The following FSTL5 variants were observed in gnomAD, a reference collection of about 807,000 sequenced individuals.
FSTL5 encodes follistatin like 5.
A neutral mutation model predicts 89.1 loss-of-function variants in FSTL5; 62 were observed. The ratio of observed to expected loss-of-function variants is 0.70; its 90% CI spans 0.57 to 0.86. The LOEUF is 0.86. Among genes scored for constraint, FSTL5 ranks in the 40% least tolerant of loss-of-function variants. The pLI is 0.00. For missense variants in FSTL5, 1,057 were observed against 1,001.6 expected (o/e 1.06, Z -0.75); for synonymous variants, 383 against 346.2 (o/e 1.11, Z -1.18).
chr4:161,469,453 C>T (rs564396717), intron 13 of FSTL5, among the ~76,000 whole-genome samples: 63 of 152,188 alleles, frequency 4.1e-4, no homozygotes, highest in African/African-American at 1.5e-3. Context: ...TCTCCAACCC[C>T]GTGCCAAAAC....
At chr4:161,977,639 A>AAAAAAAAAAAAT (rs1553988132) in intron 3 of FSTL5, among the ~76,000 whole-genome samples, 29 of 101,198 alleles carry the variant, frequency 2.9e-4, no homozygotes, top group Non-Finnish European at 4.4e-4. Context: ...AAAAAAAAAA[A>AAAAAAAAAAAAT]AATAATAATA....
At chr4:161,518,071 G>A (rs756375870) in intron 10 of FSTL5, among the ~76,000 whole-genome samples, 11 of 152,180 alleles carry the variant, frequency 7.2e-5, no homozygotes, top group East Asian at 5.8e-4. Context: ...GTACATTGCC[G>A]GTCATATGCC....
At chr4:162,135,336 G>A (rs75233554) in intron 1 of FSTL5, among the ~76,000 whole-genome samples, 35,252 of 151,604 alleles carry the variant, frequency 0.23, 4,292 homozygotes, top group Non-Finnish European at 0.26. Flanking sequence ...TAAATTATAT[G>A]TTTTTTAATA....
intron 6 of FSTL5, among the ~76,000 whole-genome samples, chr4:161,705,958 A>AGATGTGTG (rs1738557282): frequency 3.8e-5 from 2 of 52,886 alleles, no homozygotes; most frequent in African/African-American, 2.1e-4. Flanking sequence ...GTGTGTATAT[A>AGATGTGTG]TATATATATA....
At chr4:161,921,897 G>A (rs1221980134) in intron 3 of FSTL5, among the ~76,000 whole-genome samples, 3 of 152,010 alleles carry the variant, frequency 2.0e-5, no homozygotes, top group Non-Finnish European at 4.4e-5. Flanking sequence ...AACTCCTTGT[G>A]TTACTTACTA....
intron 13 of FSTL5, among the ~76,000 whole-genome samples, chr4:161,474,370 CAAT>C (rs1734050647): frequency 6.6e-6 from 1 of 152,006 alleles, no homozygotes; most frequent in South Asian, 2.1e-4. Context: ...ATCAAAGTTA[CAAT>C]AATAATAACT....
rs75713785 is a variant in FSTL5, at chr4:161,506,640, C to T, written c.1339+3758G>A. The stretch of plus-strand genomic sequence containing the variant: ...GAAGCTGTATTTTCGTCTGTATTTC[C>T]GAACCTCCCTGGCAGTGTACATTTT... On this transcript the variant is annotated intron_variant, in intron 11 of 15. Transcript: ENST00000306100. 5.5e-3 allele frequency among the ~76,000 whole-genome samples: 834 copies of T among 152,036 alleles called. 9 individuals carry two copies. The highest frequency in any genetic ancestry group is 0.017 in the African/African-American group (726 of 41,500).
intron 3 of FSTL5, 71 bp from the exon 4 acceptor site, chr4:161,920,723 C>G: frequency 7.0e-7 from 1 of 1,429,992 alleles, no homozygotes; most frequent in Non-Finnish European, 9.4e-7. Context: ...TTCAGAGTAT[C>G]AAGTGGAAAA....
chr4:161,964,066 T>G (rs1440587), intron 3 of FSTL5, among the ~76,000 whole-genome samples: 65,377 of 151,820 alleles, frequency 0.43, 15,876 homozygotes, highest in Non-Finnish European at 0.54. Context: ...GCTTTATGAA[T>G]GCTAAATACT....
At chr4:161,625,349 G>C (rs11937434) in intron 7 of FSTL5, among the ~76,000 whole-genome samples, 1,627 of 152,096 alleles carry the variant, frequency 0.011, 28 homozygotes, top group African/African-American at 0.037. Flanking sequence ...GTCACATTTT[G>C]ATAAGTCTCA....
At chr4:161,823,711 A>G (rs754008538) in intron 4 of FSTL5, among the ~76,000 whole-genome samples, 2 of 152,208 alleles carry the variant, frequency 1.3e-5, no homozygotes, top group Non-Finnish European at 2.9e-5. Context: ...ATCACAGAGC[A>G]TGAAACTTCA....
chr4:161,889,014 G>A (rs1334544608), intron 4 of FSTL5, among the ~76,000 whole-genome samples: 2 of 151,968 alleles, frequency 1.3e-5, no homozygotes, highest in Non-Finnish European at 2.9e-5. Flanking sequence ...GGTGTGTTAG[G>A]AATTAAGAAT....
At chr4:161,825,430 C>CT (rs1174343694) in intron 4 of FSTL5, among the ~76,000 whole-genome samples, 3 of 152,012 alleles carry the variant, frequency 2.0e-5, no homozygotes, top group Admixed American at 6.6e-5. Context: ...AGGATTCCTT[C>CT]TTTTTTTATC....
intron 2 of FSTL5, among the ~76,000 whole-genome samples, chr4:162,089,650 AG>A (rs869286900): frequency 0.44 from 37,143 of 85,016 alleles, 6,244 homozygotes; most frequent in African/African-American, 0.49. Flanking sequence ...AAAAAAAAAA[AG>A]AAAAAAAAGA....
At chr4:161,732,618 T>A (rs867025017) in intron 6 of FSTL5, among the ~76,000 whole-genome samples, 1 of 152,074 alleles carries the variant, frequency 6.6e-6, no homozygotes, top group African/African-American at 2.4e-5. Flanking sequence ...AAAGTTTGAT[T>A]GTTTTAGTTC....
chr4:161,463,250 T>A (rs1005324552), intron 13 of FSTL5, among the ~76,000 whole-genome samples: 3 of 152,202 alleles, frequency 2.0e-5, no homozygotes, highest in Non-Finnish European at 2.9e-5. Context: ...GTTTCAGCTT[T>A]TCAAAAGCTT....
At chr4:161,922,082 A>C (rs1404884799) in intron 3 of FSTL5, among the ~76,000 whole-genome samples, 2 of 152,046 alleles carry the variant, frequency 1.3e-5, no homozygotes, top group Non-Finnish European at 2.9e-5. Flanking sequence ...TTACACAAAA[A>C]GATCAACAGT....
At chr4:161,867,162 T>C (rs1732117702) in intron 4 of FSTL5, among the ~76,000 whole-genome samples, 1 of 152,056 alleles carries the variant, frequency 6.6e-6, no homozygotes, top group Non-Finnish European at 1.5e-5. Context: ...GTTTCATACA[T>C]ATATATTTTA....
chr4:161,525,800 A>C (rs961852715), intron 10 of FSTL5, among the ~76,000 whole-genome samples: 1 of 152,168 alleles, frequency 6.6e-6, no homozygotes, highest in African/African-American at 2.4e-5. Context: ...TATCTCACCA[A>C]GTCTTGGTAA....
Sources: allele counts gnomAD v4.1 joint callset (sites outside exome capture counted in the v4.1 genomes callset), GRCh38; gene constraint gnomAD v4.1.1; transcripts MANE v1.5; gene names NCBI Gene and HGNC (gene_info 2026-07-23, HGNC 2026-07-21).